Variants in RRAS2 observed in about 807,000 individuals in gnomAD.
RRAS2 encodes the protein RAS related 2.
RRAS2 carries 7 observed loss-of-function variants against 27.6 expected under a neutral mutation model. The observed-to-expected ratio is 0.25, with a 90% CI of 0.14 to 0.48. The LOEUF is 0.48. Among genes scored for constraint, RRAS2 ranks in the 20% least tolerant of loss-of-function variants. RRAS2 has a pLI of 0.99. For synonymous variants in RRAS2, 86 were observed against 90.9 expected (o/e 0.95, Z 0.31); for missense variants, 178 against 256.2 (o/e 0.69, Z 2.08).
chr11:14,311,941 T>C (rs919953325), intron 1 of RRAS2, among the ~76,000 whole-genome samples: 2 of 152,020 alleles, frequency 1.3e-5, no homozygotes, highest in Non-Finnish European at 2.9e-5. Flanking sequence ...CTCGGCTCAC[T>C]GCAACCTCCG....
At chr11:14,329,531 T>C (rs946386440) in intron 1 of RRAS2, among the ~76,000 whole-genome samples, 1 of 152,216 alleles carries the variant, frequency 6.6e-6, no homozygotes, top group Non-Finnish European at 1.5e-5. Flanking sequence ...CACATGTGCA[T>C]AATCTTGTAT....
At chr11:14,337,226 A>C (rs1591481382) in intron 1 of RRAS2, 1 of 152,228 alleles carries the variant, frequency 6.6e-6, no homozygotes, top group Non-Finnish European at 1.5e-5. Context: ...AGCCTGATGA[A>C]ATCTCACACC....
At chr11:14,301,294 A>T (rs1847696184) in intron 1 of RRAS2, among the ~76,000 whole-genome samples, 1 of 152,222 alleles carries the variant, frequency 6.6e-6, no homozygotes, top group Non-Finnish European at 1.5e-5. Flanking sequence ...GTGGTAGCAC[A>T]TAAGGAAAGA....
At chr11:14,306,004 C>G (rs1847819700) in intron 1 of RRAS2, among the ~76,000 whole-genome samples, 1 of 152,064 alleles carries the variant, frequency 6.6e-6, no homozygotes, top group Admixed American at 6.5e-5. Flanking sequence ...GCGACCGCAC[C>G]ACTGCATTCC....
chr11:14,303,432 T>C (rs542102401), intron 1 of RRAS2, among the ~76,000 whole-genome samples: 3 of 152,312 alleles, frequency 2.0e-5, no homozygotes, highest in Admixed American at 1.3e-4. Context: ...TTTAAAATCA[T>C]TCTTTGACTA....
intron 1 of RRAS2, among the ~76,000 whole-genome samples, chr11:14,318,694 TGA>T (rs1479745108): frequency 2.0e-5 from 3 of 152,200 alleles, no homozygotes; most frequent in African/African-American, 7.2e-5. Context: ...GTGGAACAGC[TGA>T]GACAGAAGAA....
Position 14,358,552 on chromosome 11 carries a change from T to A in RRAS2, c.108+211A>T. ...CGACCACATTCCTGAGAAGCCCTAC[T>A]CCCGCGACGCCGCGCCCGGGAGGAG... On this transcript the variant is annotated intron_variant, in intron 1 of 5. Transcript: ENST00000256196. This position sits in a 1 kb window ranked among gnomAD's most constrained non-coding sequence, Gnocchi z 5.1. 2.0e-6 allele frequency: 2 copies of A among 985,002 alleles called. No individual in the cohort carries two copies. The highest frequency in any genetic ancestry group is 2.4e-6 in the Non-Finnish European group (2 of 830,442). 61.0% of individuals were successfully genotyped at this position (985,002 alleles called of 1,614,324 possible).
chr11:14,360,628 A>G (rs540782341), upstream of RRAS2, among the ~76,000 whole-genome samples: 3 of 152,210 alleles, frequency 2.0e-5, no homozygotes, highest in Admixed American at 2.0e-4. Context: ...CGAACTCCCA[A>G]AGTGCTGGGA....
chr11:14,342,232 C>G (rs2134024354), intron 1 of RRAS2: 1 of 158,190 alleles, frequency 6.3e-6, no homozygotes, highest in South Asian at 1.9e-4. Context: ...AGTGTTGGCA[C>G]TTTTATTCCA....
intron 1 of RRAS2, among the ~76,000 whole-genome samples, chr11:14,334,244 T>C (rs548613882): frequency 1.0e-3 from 159 of 152,328 alleles, no homozygotes; most frequent in African/African-American, 3.5e-3. Context: ...CTAACCTGTG[T>C]CAATTTGATA....
intron 1 of RRAS2, among the ~76,000 whole-genome samples, chr11:14,298,355 G>C (rs1444012416): frequency 2.0e-5 from 3 of 152,158 alleles, no homozygotes; most frequent in East Asian, 1.9e-4. Flanking sequence ...ACAATAGCTA[G>C]AATTCTTTAA....
Position 14,279,353 on chromosome 11 carries a change from T to C in RRAS2, c.599A>G (p.His200Arg). The change falls in exon 6 of 6, where the codon CAT becomes CGT. Residue 200 changes from histidine (H) to arginine (R), a missense_variant. Physicochemically the swap from His to Arg is conservative, Grantham distance 29 (BLOSUM62 0). Coordinates refer to ENST00000256196, the MANE Select transcript of RRAS2 (RefSeq NM_012250.6). ...GAAGGGATTCTAGAAAATGACACAA[T>C]GGCAGCCTTTCTTGTCTTTTTCTTT... ...TRKEKDKKGC[H>R]CVIF 1.2e-6 allele frequency: 2 copies of C among 1,609,862 alleles called. No individual in the cohort carries two copies. The highest frequency in any genetic ancestry group is 1.1e-5 in the South Asian group (1 of 90,996).
intron 1 of RRAS2, among the ~76,000 whole-genome samples, chr11:14,311,518 C>G (rs1554948860): frequency 6.6e-6 from 1 of 151,962 alleles, no homozygotes; most frequent in African/African-American, 2.4e-5. Context: ...AGGCACGTGC[C>G]AACACGCCAA....
At chr11:14,291,601 T>C (rs1849818296) in intron 4 of RRAS2, among the ~76,000 whole-genome samples, 1 of 152,160 alleles carries the variant, frequency 6.6e-6, no homozygotes, top group Admixed American at 6.5e-5. Flanking sequence ...ACACTACGTA[T>C]CTTTAGGGTG....
At position 14,334,480 on chromosome 11, in the gene RRAS2, C is replaced by T. The variant is rs1241152450; in HGVS notation, c.108+24283G>A. Among the ~76,000 whole-genome samples the T allele has an allele frequency of 2.6e-5, 4 of 151,612 alleles. No individual in the cohort carries two copies. In the South Asian group the frequency reaches 6.2e-4, roughly 24 times the overall value. The stretch of plus-strand genomic sequence containing the variant: ...ATATAATTCTGATATATCCATGTAA[C>T]CTATTCAATTACTGATGGAGGGTAA... On this transcript the variant is annotated intron_variant, in intron 1 of 5. Coordinates refer to ENST00000256196, the MANE Select transcript of RRAS2 (RefSeq NM_012250.6).
intron 4 of RRAS2, 66 bp downstream of exon 4, chr11:14,294,405 T>TGAAG: frequency 9.1e-7 from 1 of 1,098,594 alleles, no homozygotes; most frequent in South Asian, 1.6e-5. Flanking sequence ...ATTATTTCCT[T>TGAAG]AAATCTATCA....
chr11:14,325,812 T>A (rs1848342705), intron 1 of RRAS2, among the ~76,000 whole-genome samples: 1 of 152,198 alleles, frequency 6.6e-6, no homozygotes, highest in South Asian at 2.1e-4. Context: ...GTAGAAGTAG[T>A]CTTTTTGTTT....
chr11:14,347,781 C>T (rs1848869675), intron 1 of RRAS2, among the ~76,000 whole-genome samples: 1 of 152,194 alleles, frequency 6.6e-6, no homozygotes, highest in South Asian at 2.1e-4. Context: ...CACACCACTA[C>T]ACTACAGCCT....
At chr11:14,298,154 T>C (rs2133966703) in intron 1 of RRAS2, among the ~76,000 whole-genome samples, 1 of 152,312 alleles carries the variant, frequency 6.6e-6, no homozygotes, top group Non-Finnish European at 1.5e-5. Flanking sequence ...GGATAAAGCA[T>C]GCGCTGTACT....
Sources: gnomAD v4.1 joint callset for allele counts (sites outside exome capture counted in the v4.1 genomes callset) on GRCh38, gnomAD v4.1.1 for gene constraint, Gnocchi (gnomAD v3.1) non-coding constraint, MANE v1.5 for transcripts, NCBI Gene and HGNC (gene_info 2026-07-23, HGNC 2026-07-21) for gene names.